Variants in CES5A observed in about 807,000 individuals in gnomAD.
CES5A encodes carboxylesterase 5.
CES5A carries 67 observed loss-of-function variants against 62.9 expected under a neutral mutation model. That is an observed-to-expected ratio of 1.07 (90% CI 0.88 to 1.31). The LOEUF (loss-of-function observed/expected upper bound fraction) is 1.31. Ranked by LOEUF, CES5A falls within the 50% of genes most tolerant of loss-of-function variation. The pLI, the probability that CES5A is intolerant of heterozygous loss-of-function variation, is 0.00. For synonymous variants in CES5A, 296 were observed against 280.8 expected, an observed-to-expected ratio of 1.05 and a Z score of -0.54; for missense variants, 748 against 708.5, an observed-to-expected ratio of 1.06 and a Z score of -0.63.
chr16:55,927,804 TA>T (rs1300498090), upstream of CES5A, among the ~76,000 whole-genome samples: 2 of 152,198 alleles, frequency 1.3e-5, no homozygotes, highest in African/African-American at 4.8e-5. Flanking sequence ...TACTATATTT[TA>T]AAAAGTTACC....
At chr16:55,928,293 T>C (rs1300598377), upstream of CES5A, among the ~76,000 whole-genome samples, 1 of 152,142 alleles carries the variant, frequency 6.6e-6, no homozygotes, top group Non-Finnish European at 1.5e-5. Context: ...TGAAGGCCAT[T>C]ATCCTATGTG....
At chr16:55,876,142 A>G (rs1485043234), upstream of CES5A, among the ~76,000 whole-genome samples, 3 of 152,228 alleles carry the variant, frequency 2.0e-5, no homozygotes, top group Non-Finnish European at 4.4e-5. Flanking sequence ...TTCCATGTAC[A>G]TATTCATCAC....
At chr16:55,949,906 G>GA (rs770453286) in intron 1 of CES5A, 20 of 1,275,012 alleles carry the variant, frequency 1.6e-5, no homozygotes, top group South Asian at 1.4e-4. Context: ...TAAACTCCTG[G>GA]AAAAAAAGAA....
At chr16:55,930,695 C>T (rs929684178) in intron 2 of CES5A, among the ~76,000 whole-genome samples, 3 of 152,134 alleles carry the variant, frequency 2.0e-5, no homozygotes, top group African/African-American at 7.2e-5. Flanking sequence ...TTCTGTGGTT[C>T]TAATCACGGT....
intron 5 of CES5A, among the ~76,000 whole-genome samples, chr16:55,865,224 A>AACAAG (rs1341309193): frequency 6.6e-6 from 1 of 152,202 alleles, no homozygotes; most frequent in Non-Finnish European, 1.5e-5. Flanking sequence ...AACAAAACAA[A>AACAAG]AAAACCATAT....
intron 1 of CES5A, among the ~76,000 whole-genome samples, chr16:55,905,243 A>G (rs1567348767): frequency 6.6e-6 from 1 of 152,074 alleles, no homozygotes; most frequent in South Asian, 2.1e-4. Context: ...ACAACTTCCT[A>G]TGCAGACTAA....
At chr16:55,951,634 A>C (rs2034558489) in intron 1 of CES5A, among the ~76,000 whole-genome samples, 2 of 152,200 alleles carry the variant, frequency 1.3e-5, no homozygotes, top group South Asian at 2.1e-4. Context: ...TAAGAAAAAG[A>C]AAGCCAAGTT....
chr16:55,899,508 A>G (rs527971225), intron 1 of CES5A, among the ~76,000 whole-genome samples: 1 of 152,290 alleles, frequency 6.6e-6, no homozygotes, highest in African/African-American at 2.4e-5. Flanking sequence ...TTCTGGGTCT[A>G]TCTGTTTTCA....
intron 2 of CES5A, among the ~76,000 whole-genome samples, chr16:55,935,848 T>C (rs1299187524): frequency 2.0e-5 from 3 of 152,150 alleles, no homozygotes; most frequent in Non-Finnish European, 4.4e-5. Flanking sequence ...TCTGGCAATG[T>C]ATACAGTATG....
At chr16:55,912,846 G>A (rs55889290) in intron 1 of CES5A, among the ~76,000 whole-genome samples, 29,652 of 152,040 alleles carry the variant, frequency 0.2, 3,420 homozygotes, top group Middle Eastern at 0.37. Context: ...AAGACAAAAA[G>A]GGCTCTTTGC....
intron 3 of CES5A, among the ~76,000 whole-genome samples, chr16:55,870,684 C>A (rs113742550): frequency 0.076 from 11,588 of 152,042 alleles, 511 homozygotes; most frequent in Middle Eastern, 0.2. Context: ...GGCAACAGAG[C>A]AAGACTCTGT....
At chr16:55,934,900 C>T (rs2034354254) in intron 2 of CES5A, among the ~76,000 whole-genome samples, 1 of 152,094 alleles carries the variant, frequency 6.6e-6, no homozygotes, top group Non-Finnish European at 1.5e-5. Context: ...AGCCTAGAGA[C>T]CCAAGAAGAA....
intron 1 of CES5A, among the ~76,000 whole-genome samples, chr16:55,921,136 G>T (rs1455557769): frequency 2.6e-5 from 4 of 152,016 alleles, no homozygotes; most frequent in African/African-American, 9.7e-5. Flanking sequence ...TACCTCAAAA[G>T]GCCAAATCTG....
chr16:55,870,048 A>C (rs1207159301), intron 3 of CES5A, among the ~76,000 whole-genome samples: 2 of 152,246 alleles, frequency 1.3e-5, no homozygotes, highest in African/African-American at 4.8e-5. Flanking sequence ...TGAAGTTATC[A>C]TGAGGTTTAA....
At chr16:55,912,985 G>A (rs1471849462) in intron 1 of CES5A, among the ~76,000 whole-genome samples, 16 of 152,158 alleles carry the variant, frequency 1.1e-4, no homozygotes, top group Admixed American at 7.2e-4. Flanking sequence ...TCACCTTGCC[G>A]GCTGCCTAGA....
chr16:55,907,452 C>A (rs2034049711), intron 1 of CES5A, among the ~76,000 whole-genome samples: 2 of 152,234 alleles, frequency 1.3e-5, no homozygotes, highest in African/African-American at 4.8e-5. Flanking sequence ...AAGTGCTATG[C>A]ATATGAAAGG....
chr16:55,925,412 G>A (rs2034248520), exon 1 of CES5A: 1 of 152,032 alleles, frequency 6.6e-6, no homozygotes, highest in South Asian at 2.1e-4. Flanking sequence ...CACTGTTGAT[G>A]AAAATGTAAA....
intron 1 of CES5A, among the ~76,000 whole-genome samples, chr16:55,912,366 T>G (rs905606772): frequency 7.2e-5 from 11 of 152,294 alleles, no homozygotes; most frequent in African/African-American, 2.6e-4. Context: ...TGAGGAGCTG[T>G]GCTGTGCCGG....
chr16:55,903,549 T>C (rs1399983693), intron 1 of CES5A, among the ~76,000 whole-genome samples: 2 of 152,136 alleles, frequency 1.3e-5, no homozygotes, highest in Non-Finnish European at 2.9e-5. Context: ...AAAAAGGGGA[T>C]TATCATTTTC....
Sources: allele counts gnomAD v4.1 joint callset (sites outside exome capture counted in the v4.1 genomes callset), GRCh38; gene constraint gnomAD v4.1.1; transcripts MANE v1.5; gene names NCBI Gene and HGNC (gene_info 2026-07-23, HGNC 2026-07-21).